Variants in ADAM9 observed in about 807,000 individuals in gnomAD.
ADAM9 encodes ADAM metallopeptidase domain 9.
Under a neutral mutation model 108.1 loss-of-function variants are expected in ADAM9, and 54 were observed. That is an observed-to-expected ratio of 0.50 (90% CI 0.40 to 0.63). The LOEUF (loss-of-function observed/expected upper bound fraction) is 0.63. Among genes scored for constraint, ADAM9 ranks in the 20% least tolerant of loss-of-function variants. The pLI is 0.00. For synonymous variants in ADAM9, 316 were observed against 336.0 expected (o/e 0.94, Z 0.65); for missense variants, 830 against 997.7 (o/e 0.83, Z 2.26).
At chr8:39,070,378 AAAGGCTTCT>A (rs1838645348) in intron 14 of ADAM9, among the ~76,000 whole-genome samples, 1 of 152,112 alleles carries the variant, frequency 6.6e-6, no homozygotes, top group Admixed American at 6.5e-5. Flanking sequence ...TTCCTGTATT[AAAGGCTTCT>A]AAGACATTTC....
chr8:39,035,312 AT>A (rs1353109811), intron 11 of ADAM9, among the ~76,000 whole-genome samples: 1 of 152,010 alleles, frequency 6.6e-6, no homozygotes, highest in Admixed American at 6.6e-5. Flanking sequence ...AGTTTTGTAG[AT>A]TTTAGTTTCC....
intron 14 of ADAM9, among the ~76,000 whole-genome samples, chr8:39,063,324 A>G (rs1838354185): frequency 6.6e-6 from 1 of 152,170 alleles, no homozygotes; most frequent in South Asian, 2.1e-4. Flanking sequence ...GGAAATTGGC[A>G]TTATCTTGCA....
chr8:39,063,830 T>A (rs1270793908), intron 14 of ADAM9, among the ~76,000 whole-genome samples: 1 of 152,148 alleles, frequency 6.6e-6, no homozygotes, highest in Non-Finnish European at 1.5e-5. Context: ...TCCTTATTGA[T>A]CAATAACCTC....
chr8:39,078,654 G>T lies in ADAM9; in HGVS notation c.1881+1243G>T, dbSNP rs150960713. The stretch of plus-strand genomic sequence containing the variant: ...AAAACTAGCCAGTGTGGTGGTGCAT[G>T]CCTGTAGTCCTAACTACTCAGGAGG... On this transcript the variant is annotated intron_variant, in intron 16 of 21. Transcript: ENST00000487273. Among the ~76,000 whole-genome samples, 3 of 152,232 alleles carry T rather than the reference G, an allele frequency of 2.0e-5. No homozygotes were observed. In the East Asian group the frequency reaches 5.8e-4, roughly 29 times the overall value.
chr8:39,045,435 TGCGCGTGTGTAC>T (rs1837712053), intron 12 of ADAM9, among the ~76,000 whole-genome samples: 1 of 121,792 alleles, frequency 8.2e-6, no homozygotes, highest in Non-Finnish European at 1.8e-5. Context: ...CACCTATATG[TGCGCGTGTGTAC>T]ACACACCTAT....
chr8:39,055,836 A>T, intron 14 of ADAM9, 64 bp downstream of exon 14: 1 of 1,492,594 alleles, frequency 6.7e-7, no homozygotes, highest in Non-Finnish European at 9.1e-7. Flanking sequence ...AGATATTTTA[A>T]AAAAGGTAAT....
chr8:39,063,761 T>A (rs181143533), intron 14 of ADAM9, among the ~76,000 whole-genome samples: 131 of 152,210 alleles, frequency 8.6e-4, no homozygotes, highest in Non-Finnish European at 4.7e-4. Context: ...TAGAGCTCAG[T>A]GTACCCAGCT....
chr8:38,997,799 A>T (rs537511634), intron 1 of ADAM9, among the ~76,000 whole-genome samples: 9 of 152,354 alleles, frequency 5.9e-5, no homozygotes, highest in South Asian at 2.1e-4. Flanking sequence ...AACCATTCTT[A>T]AAAAATCTGT....
intron 11 of ADAM9, among the ~76,000 whole-genome samples, chr8:39,027,593 A>G (rs1009672510): frequency 2.6e-5 from 4 of 152,198 alleles, no homozygotes; most frequent in African/African-American, 7.2e-5. Context: ...GAGCTAAAAA[A>G]TAATTATAAT....
chr8:39,018,822 T>C (rs367824444), intron 6 of ADAM9, 31 bp from the exon 7 acceptor site: 1 of 1,606,946 alleles, frequency 6.2e-7, no homozygotes. Flanking sequence ...ATAACTTCCT[T>C]TTGCCTTTAT....
chr8:39,094,703 G>A (rs1187009769), intron 20 of ADAM9, among the ~76,000 whole-genome samples: 1 of 152,016 alleles, frequency 6.6e-6, no homozygotes, highest in Non-Finnish European at 1.5e-5. Context: ...ATTTGTTGGT[G>A]TATGATTGTT....
chr8:39,016,962 G>A (rs1836551934), intron 5 of ADAM9: 1 of 478,406 alleles, frequency 2.1e-6, no homozygotes, highest in Non-Finnish European at 3.8e-6. Context: ...CCACTATTTT[G>A]TAGTGCCTTC....
rs913896722 is a variant in ADAM9, at chr8:39,031,610, G to GA, written c.1130+4801dup. On this transcript the variant is annotated intron_variant, in intron 11 of 21. Transcript: ENST00000487273. ...GGTTCGAATATCCTCCTTTAGCTTGGAGAAGTTTGTTATTACCAACCTTCT... is the reference window on the plus strand; with the variant it reads ...GGTTCGAATATCCTCCTTTAGCTTGGAAGAAGTTTGTTATTACCAACCTTCT... Among the ~76,000 whole-genome samples, 486 of 152,244 alleles carry GA rather than the reference G, an allele frequency of 3.2e-3. 3 individuals carry two copies. Among genetic ancestry groups the GA allele is most frequent in the African/African-American group, 0.011 (472 of 41,542 alleles).
chr8:39,045,497 T>C (rs1362944644), intron 12 of ADAM9, among the ~76,000 whole-genome samples: 3 of 145,022 alleles, frequency 2.1e-5, no homozygotes, highest in South Asian at 2.2e-4. Context: ...TGCGTGTGTA[T>C]ACATATGTGT....
Position 38,999,483 on chromosome 8 carries a change from G to A in ADAM9, c.97+2323G>A, listed in dbSNP as rs1481639927. Among the ~76,000 whole-genome samples the A allele has an allele frequency of 2.6e-5, 4 of 152,136 alleles. No homozygotes were observed. In the South Asian group the frequency reaches 8.3e-4, roughly 32 times the overall value. On this transcript the variant is annotated intron_variant, in intron 1 of 21. Coordinates refer to ENST00000487273, the MANE Select transcript of ADAM9 (RefSeq NM_003816.3). The stretch of plus-strand genomic sequence containing the variant: ...CAAAGACTGGCATTCTAAAGAAAAT[G>A]ACTTTGAAAGCTTACTCATGGTGAG...
intron 1 of ADAM9, among the ~76,000 whole-genome samples, chr8:39,002,610 T>TG (rs1836036948): frequency 1.3e-5 from 2 of 152,122 alleles, no homozygotes; most frequent in South Asian, 4.1e-4. Flanking sequence ...CTTGAGCCAC[T>TG]GTGCCCGGCC....
intron 11 of ADAM9, among the ~76,000 whole-genome samples, chr8:39,037,796 C>T (rs567483173): frequency 1.5e-4 from 23 of 152,210 alleles, no homozygotes; most frequent in Admixed American, 7.2e-4. Context: ...AAAACAATTA[C>T]AAGCCTCTGT....
intron 12 of ADAM9, among the ~76,000 whole-genome samples, chr8:39,053,211 T>C (rs1012311814): frequency 6.6e-6 from 1 of 152,326 alleles, no homozygotes; most frequent in Admixed American, 6.5e-5. Context: ...GAGAATACTT[T>C]GTGTATTCTG....
chr8:39,019,615 A>T (rs571349403), intron 7 of ADAM9, among the ~76,000 whole-genome samples: 109 of 152,166 alleles, frequency 7.2e-4, no homozygotes, highest in African/African-American at 2.6e-3. Flanking sequence ...TGTGTAATTT[A>T]AAAAAGAGAG....
Sources: allele counts gnomAD v4.1 joint callset (sites outside exome capture counted in the v4.1 genomes callset), GRCh38; gene constraint gnomAD v4.1.1; transcripts MANE v1.5; gene names NCBI Gene and HGNC (gene_info 2026-07-23, HGNC 2026-07-21).